Variants in CDH13 observed in about 807,000 individuals in gnomAD.
The protein encoded by CDH13 is cadherin-13.
A neutral mutation model predicts 63.8 loss-of-function variants in CDH13; 24 were observed. The ratio of observed to expected loss-of-function variants is 0.38; its 90% CI spans 0.27 to 0.53. The LOEUF (loss-of-function observed/expected upper bound fraction) is 0.53, where lower values mean the gene tolerates loss of function less well. Ranked by LOEUF, CDH13 falls within the 20% of genes least tolerant of loss-of-function variation. The pLI, the probability that CDH13 is intolerant of heterozygous loss-of-function variation, is 0.85. For missense variants in CDH13, 1,049 were observed against 903.1 expected, an observed-to-expected ratio of 1.16 and a Z score of -2.07; for synonymous variants, 503 against 355.3, an observed-to-expected ratio of 1.42 and a Z score of -4.67.
chr16:82,899,033 T>G (rs1258348864), intron 2 of CDH13, among the ~76,000 whole-genome samples: 1 of 152,152 alleles, frequency 6.6e-6, no homozygotes, highest in African/African-American at 2.4e-5. Context: ...AAGATCACAC[T>G]CATCAACTAG....
chr16:82,971,414 G>A (rs1319397617), intron 2 of CDH13, among the ~76,000 whole-genome samples: 1 of 152,220 alleles, frequency 6.6e-6, no homozygotes, highest in Non-Finnish European at 1.5e-5. Flanking sequence ...TCCTAGGACA[G>A]CAAAGCATAA....
At chr16:83,162,144 C>T (rs1052938063) in intron 4 of CDH13, among the ~76,000 whole-genome samples, 2 of 152,146 alleles carry the variant, frequency 1.3e-5, no homozygotes, top group African/African-American at 4.8e-5. Context: ...CTTAGCTCAT[C>T]ATATAACCAA....
intron 1 of CDH13, among the ~76,000 whole-genome samples, chr16:82,832,169 A>T (rs188620903): frequency 1.4e-4 from 21 of 152,324 alleles, no homozygotes; most frequent in Admixed American, 1.3e-4. Flanking sequence ...AGTCAAGGAG[A>T]CATTTTTCAC....
At chr16:83,179,350 C>T (rs1360953200) in intron 4 of CDH13, among the ~76,000 whole-genome samples, 1 of 151,828 alleles carries the variant, frequency 6.6e-6, no homozygotes, top group East Asian at 1.9e-4. Flanking sequence ...ATTTTACTAT[C>T]AACAAAAGGG....
chr16:82,816,457 A>G (rs1489972321), intron 1 of CDH13, among the ~76,000 whole-genome samples: 1 of 152,110 alleles, frequency 6.6e-6, no homozygotes, highest in Non-Finnish European at 1.5e-5. Context: ...CTATGGAGAA[A>G]TCAAGGAGGA....
At chr16:83,633,032 A>T (rs1910922021) in intron 8 of CDH13, among the ~76,000 whole-genome samples, 1 of 152,170 alleles carries the variant, frequency 6.6e-6, no homozygotes, top group Admixed American at 6.5e-5. Context: ...TAATTAGCAT[A>T]TAATGAGCAG....
At chr16:83,160,524 A>C (rs1415980022) in intron 4 of CDH13, among the ~76,000 whole-genome samples, 1 of 152,110 alleles carries the variant, frequency 6.6e-6, no homozygotes, top group Admixed American at 6.5e-5. Context: ...TTGACCCATG[A>C]CGTATGGACG....
chr16:83,726,828 G>A (rs1910460532), intron 10 of CDH13, among the ~76,000 whole-genome samples: 1 of 64,908 alleles, frequency 1.5e-5, no homozygotes, highest in Non-Finnish European at 3.0e-5. Flanking sequence ...GACAGAGCAA[G>A]ACTCTGTCTC....
At chr16:83,088,943 T>C (rs8049830) in intron 3 of CDH13, among the ~76,000 whole-genome samples, 1 of 152,124 alleles carries the variant, frequency 6.6e-6, no homozygotes, top group African/African-American at 2.4e-5. Flanking sequence ...GGCCATTCAT[T>C]AATATATGAT....
chr16:83,401,293 C>G lies in CDH13; in HGVS notation c.781+56287C>G, dbSNP rs2091964532. Among the ~76,000 whole-genome samples the G allele has an allele frequency of 2.7e-5, 4 of 150,878 alleles. No homozygotes were observed. The South Asian group carries it at 8.4e-4, about 31-fold the overall frequency. ...GGCAGAGGTTGCAGTAAGCCGAGAT[C>G]ACGCCATTGCACTCCAGCCTGAGTG... is the stretch of plus-strand genomic sequence containing the variant. On this transcript the variant is annotated intron_variant, in intron 6 of 13. Transcript: ENST00000567109.
At chr16:83,201,186 C>G (rs1432152038) in intron 4 of CDH13, among the ~76,000 whole-genome samples, 1 of 152,100 alleles carries the variant, frequency 6.6e-6, no homozygotes, top group East Asian at 1.9e-4. Flanking sequence ...CTTGTCTTAG[C>G]ATAGCTTCTT....
chr16:82,990,078 G>A (rs1911469461), intron 2 of CDH13: 1 of 151,530 alleles, frequency 6.6e-6, no homozygotes, highest in South Asian at 2.1e-4. Flanking sequence ...ATCACATCAT[G>A]ATTTTTTTTT....
intron 8 of CDH13, among the ~76,000 whole-genome samples, chr16:83,655,938 G>T (rs1912830030): frequency 6.6e-6 from 1 of 152,192 alleles, no homozygotes; most frequent in African/African-American, 2.4e-5. Context: ...GCTTCTGATG[G>T]CTCCACCAAG....
intron 2 of CDH13, among the ~76,000 whole-genome samples, chr16:83,021,123 A>C (rs1567751768): frequency 6.6e-6 from 1 of 152,198 alleles, no homozygotes; most frequent in Non-Finnish European, 1.5e-5. Flanking sequence ...TGCTGAATCC[A>C]TGATTTTTCT....
At chr16:83,165,568 A>G (rs1488145570) in intron 4 of CDH13, among the ~76,000 whole-genome samples, 1 of 152,098 alleles carries the variant, frequency 6.6e-6, no homozygotes, top group Non-Finnish European at 1.5e-5. Context: ...GTGGTCACAA[A>G]TGAGAAGAGT....
intron 5 of CDH13, among the ~76,000 whole-genome samples, chr16:83,282,970 T>C (rs1567562417): frequency 6.6e-6 from 1 of 152,236 alleles, no homozygotes; most frequent in Non-Finnish European, 1.5e-5. Flanking sequence ...TTTTAGGCCA[T>C]GGTAAACTCC....
intron 1 of CDH13, among the ~76,000 whole-genome samples, chr16:82,720,463 G>A (rs1294015164): frequency 6.6e-6 from 1 of 152,102 alleles, no homozygotes; most frequent in Non-Finnish European, 1.5e-5. Flanking sequence ...GCACAGGGTA[G>A]GAACTGACCC....
rs140838390 is a variant in CDH13, at chr16:83,550,081, A to T, written c.961-52373A>T. ...GCTCTTGCCTTCTAGTGCAGGGGTGATGACTTGTTCTGACTCTTCAAGATT... is the reference window on the plus strand; with the variant it reads ...GCTCTTGCCTTCTAGTGCAGGGGTGTTGACTTGTTCTGACTCTTCAAGATT... On this transcript the variant is annotated intron_variant, in intron 7 of 13. Transcript: ENST00000567109. Among the ~76,000 whole-genome samples, 457 of 152,328 alleles carry T rather than the reference A, an allele frequency of 3.0e-3. 2 individuals carry two copies. The highest frequency in any genetic ancestry group is 0.01 in the African/African-American group (434 of 41,586).
intron 7 of CDH13, among the ~76,000 whole-genome samples, chr16:83,500,455 C>T (rs1340820368): frequency 6.9e-5 from 1 of 14,566 alleles, no homozygotes; most frequent in Non-Finnish European, 1.3e-4. Flanking sequence ...CCCCCTCCTC[C>T]GCCTCCTCCT....
Sources: gnomAD v4.1 joint callset for allele counts (sites outside exome capture counted in the v4.1 genomes callset) on GRCh38, gnomAD v4.1.1 for gene constraint, MANE v1.5 for transcripts, NCBI Gene and HGNC (gene_info 2026-07-23, HGNC 2026-07-21) for gene names.